The following BTC variants were observed in gnomAD, a reference collection of about 807,000 sequenced individuals.
BTC encodes the protein probetacellulin.
A neutral mutation model predicts 18.1 loss-of-function variants in BTC; 13 were observed. That is an observed-to-expected ratio of 0.72 (90% CI 0.47 to 1.14). The LOEUF (loss-of-function observed/expected upper bound fraction) is 1.14. BTC is among the 50% of genes most tolerant of loss of function. The pLI is 0.00. For missense variants in BTC, 247 were observed against 224.2 expected, an observed-to-expected ratio of 1.10 and a Z score of -0.65; for synonymous variants, 83 against 79.4, an observed-to-expected ratio of 1.05 and a Z score of -0.24.
Position 74,747,338 on chromosome 4 carries a change from C to T in BTC, c.*2-663G>A, listed in dbSNP as rs921649720. On this transcript the variant is annotated intron_variant, in intron 5 of 5. Coordinates refer to ENST00000395743, the MANE Select transcript of BTC (RefSeq NM_001729.4). ...GAGGCACCTGCTGAAGATCCGAAGGCGAAAGGAGAGAAAGTTTGGAATACT... is the reference window on the plus strand; with the variant it reads ...GAGGCACCTGCTGAAGATCCGAAGGTGAAAGGAGAGAAAGTTTGGAATACT... Among the ~76,000 whole-genome samples, 8 of 152,238 alleles carry T rather than the reference C, an allele frequency of 5.3e-5. No homozygotes were observed. In the East Asian group the frequency reaches 7.7e-4, roughly 15 times the overall value.
intron 1 of BTC, among the ~76,000 whole-genome samples, chr4:74,777,001 T>C (rs956899203): frequency 1.3e-5 from 2 of 152,186 alleles, no homozygotes; most frequent in African/African-American, 4.8e-5. Context: ...CAAAGAAGAA[T>C]GTATCAACCT....
rs111762364 is a variant in BTC at position 74,749,483 on chromosome 4, A to T, written c.428+1090T>A. On this transcript the variant is annotated intron_variant, in intron 4 of 5. Coordinates refer to ENST00000395743, the MANE Select transcript of BTC (RefSeq NM_001729.4). ...GGGCAACAGAGCAAGACTCTGTCTC[A>T]AAATAAATAAATAAATAAATAAATA... Among the ~76,000 whole-genome samples the T allele has an allele frequency of 3.5e-3, 509 of 143,722 alleles. 4 individuals carry two copies. Among genetic ancestry groups the T allele is most frequent in the Admixed American group, 4.9e-3 (70 of 14,350 alleles). 94.3% of individuals were successfully genotyped at this position (143,722 alleles called of 152,430 possible). A position where few individuals can be genotyped will look rare whatever the true frequency, so the allele number is the denominator to read the frequency against.
At chr4:74,776,057 A>C (rs1393435321) in intron 1 of BTC, among the ~76,000 whole-genome samples, 1 of 152,146 alleles carries the variant, frequency 6.6e-6, no homozygotes, top group Non-Finnish European at 1.5e-5. Flanking sequence ...CTATCACATT[A>C]ATACTGGGGT....
At chr4:74,783,205 T>C (rs1725383666) in intron 1 of BTC, among the ~76,000 whole-genome samples, 1 of 152,234 alleles carries the variant, frequency 6.6e-6, no homozygotes. Flanking sequence ...ATTGCCTAGA[T>C]TTTCTTCTAG....
chr4:74,749,196 G>A (rs112187243), intron 4 of BTC, among the ~76,000 whole-genome samples: 2,491 of 152,128 alleles, frequency 0.016, 66 homozygotes, highest in African/African-American at 0.055. Flanking sequence ...TTGGGATGCC[G>A]AGGTAGGTGG....
Position 74,767,652 on chromosome 4 carries a change from T to C in BTC, c.163+2406A>G, listed in dbSNP as rs561688556. Among the ~76,000 whole-genome samples, 24 of 152,212 alleles carry C rather than the reference T, an allele frequency of 1.6e-4. 2 individuals carry two copies. The South Asian group carries it at 4.6e-3, about 29-fold the overall frequency. On this transcript the variant is annotated intron_variant, in intron 2 of 5. Coordinates refer to ENST00000395743, the MANE Select transcript of BTC (RefSeq NM_001729.4). ...GCAAGAACAAAGTTGGAGGTATCGT[T>C]CTTCCTGGTTTTTAAATCATCTACA...
At position 74,788,709 on chromosome 4, in the gene BTC, C is replaced by T. The variant is rs566558678; in HGVS notation, c.64+5553G>A. On this transcript the variant is annotated intron_variant, in intron 1 of 5. Coordinates refer to ENST00000395743, the MANE Select transcript of BTC (RefSeq NM_001729.4). ...TACTTTTCATCAACCTGCCAAGCAC[C>T]GTGCCATGAGCAAAAGAGTTATGCA... Among the ~76,000 whole-genome samples the T allele has an allele frequency of 4.6e-5, 7 of 152,252 alleles. No homozygotes were observed. In the South Asian group the frequency reaches 8.3e-4, roughly 18 times the overall value.
At chr4:74,751,920 A>G (rs969410553) in intron 3 of BTC, among the ~76,000 whole-genome samples, 1 of 152,230 alleles carries the variant, frequency 6.6e-6, no homozygotes, top group Non-Finnish European at 1.5e-5. Flanking sequence ...GGTCATATAC[A>G]TAATTATTCA....
At chr4:74,775,130 G>A (rs1216692755) in intron 1 of BTC, among the ~76,000 whole-genome samples, 1 of 152,152 alleles carries the variant, frequency 6.6e-6, no homozygotes, top group Non-Finnish European at 1.5e-5. Context: ...AGTTTGAGAT[G>A]ACTGTGGCTC....
chr4:74,789,444 A>G (rs1725564733), intron 1 of BTC, among the ~76,000 whole-genome samples: 1 of 152,210 alleles, frequency 6.6e-6, no homozygotes, highest in South Asian at 2.1e-4. Context: ...ATTACCTGCC[A>G]ATTATTCTTC....
rs560139741 is a variant in BTC, at chr4:74,755,907, A to G, written c.233T>C (p.Ile78Thr). ...RCPKQYKHYC[I>T]KGRCRFVVAE... ...CACCACGAAGCGGCATCTCCCTTTG[A>G]TGCAGTAATGCTTGTATTGCTTGGG... The change falls in exon 3 of 6, where the codon ATC (isoleucine) becomes ACC (threonine). Residue 78 changes from isoleucine (I) to threonine (T), a missense_variant. Ile to Thr is a moderately conservative substitution (Grantham distance 89, BLOSUM62 -1). Coordinates refer to ENST00000395743, the MANE Select transcript of BTC (RefSeq NM_001729.4). 3.8e-5 allele frequency: 62 copies of G among 1,614,042 alleles called. No homozygotes were observed. Among genetic ancestry groups the G allele is most frequent in the Non-Finnish European group, 3.4e-5 (40 of 1,180,030 alleles).
chr4:74,788,428 A>T (rs1725539164), intron 1 of BTC, among the ~76,000 whole-genome samples: 1 of 152,220 alleles, frequency 6.6e-6, no homozygotes, highest in South Asian at 2.1e-4. Flanking sequence ...GATCATATTT[A>T]ATCTGTACGA....
chr4:74,771,480 C>G (rs941362832), intron 1 of BTC, among the ~76,000 whole-genome samples: 3 of 152,110 alleles, frequency 2.0e-5, no homozygotes, highest in Non-Finnish European at 4.4e-5. Context: ...TGTGCTAGAT[C>G]GCTAGATCCT....
At chr4:74,792,785 C>A (rs148081746) in intron 1 of BTC, among the ~76,000 whole-genome samples, 1 of 152,228 alleles carries the variant, frequency 6.6e-6, no homozygotes, top group Non-Finnish European at 1.5e-5. Context: ...GGCACGCATT[C>A]GTGTCCTCCA....
intron 1 of BTC, among the ~76,000 whole-genome samples, chr4:74,783,046 G>A (rs1725378254): frequency 2.6e-5 from 4 of 152,146 alleles, no homozygotes; most frequent in Non-Finnish European, 5.9e-5. Context: ...CCATTCTGCA[G>A]GTTGTCTGTT....
rs532492789 is a variant in BTC at position 74,787,698 on chromosome 4, A to T, written c.64+6564T>A. Among the ~76,000 whole-genome samples the T allele has an allele frequency of 2.0e-5, 3 of 152,328 alleles. No individual in the cohort carries two copies. The South Asian group carries it at 6.2e-4, about 32-fold the overall frequency. On this transcript the variant is annotated intron_variant, in intron 1 of 5. Transcript: ENST00000395743. ...AGGGTAGGGTTGAAAGCACATATGG[A>T]GTCAAAAAGATCAGAATTTGAGTTC...
At chr4:74,792,288 G>C (rs193062694) in intron 1 of BTC, among the ~76,000 whole-genome samples, 5 of 152,150 alleles carry the variant, frequency 3.3e-5, no homozygotes, top group African/African-American at 9.7e-5. Flanking sequence ...CACTGGATTC[G>C]AGTTTTGCTT....
intron 1 of BTC, among the ~76,000 whole-genome samples, chr4:74,779,050 A>T (rs369463567): frequency 7.3e-4 from 111 of 152,288 alleles, no homozygotes; most frequent in African/African-American, 2.5e-3. Flanking sequence ...AGCAAAGAAA[A>T]AAAGAAGAGG....
intron 1 of BTC, among the ~76,000 whole-genome samples, chr4:74,789,554 AC>A (rs930438082): frequency 1.3e-5 from 2 of 152,200 alleles, no homozygotes; most frequent in Non-Finnish European, 2.9e-5. Context: ...AGAAAATTAC[AC>A]AAAAGGAGTT....
Sources: allele counts gnomAD v4.1 joint callset (sites outside exome capture counted in the v4.1 genomes callset), GRCh38; gene constraint gnomAD v4.1.1; transcripts MANE v1.5; gene names NCBI Gene and HGNC (gene_info 2026-07-23, HGNC 2026-07-21).